CENPU: variants seen among roughly 807,000 people sequenced by gnomAD.
CENPU encodes KSHV latent nuclear antigen interacting protein 1.
CENPU carries 46 observed loss-of-function variants against 56.7 expected under a neutral mutation model. The observed-to-expected ratio is 0.81, with a 90% CI of 0.64 to 1.04. The LOEUF (loss-of-function observed/expected upper bound fraction) is 1.04. Ranked by LOEUF, CENPU falls within the 50% of genes least tolerant of loss-of-function variation. The pLI is 0.00. For synonymous variants in CENPU, 166 were observed against 163.0 expected, an observed-to-expected ratio of 1.02 and a Z score of -0.14; for missense variants, 510 against 490.1, an observed-to-expected ratio of 1.04 and a Z score of -0.38.
rs73026666 is a variant in CENPU, at chr4:184,732,568, G to A, written c.47+1448C>T. Among the ~76,000 whole-genome samples, 324 of 152,130 alleles carry A rather than the reference G, an allele frequency of 2.1e-3. 4 individuals are homozygous for A. The highest frequency in any genetic ancestry group is 7.3e-3 in the African/African-American group (304 of 41,502). On this transcript the variant is annotated intron_variant, in intron 1 of 12. Transcript: ENST00000281453. ...GTAACAGAAACCCAGCTACACACTA[G>A]ACCACATAAACTTCTTAACCTAAAC...
At chr4:184,727,689 A>C (rs1354818481) in intron 3 of CENPU, among the ~76,000 whole-genome samples, 1 of 152,076 alleles carries the variant, frequency 6.6e-6, no homozygotes, top group African/African-American at 2.4e-5. Context: ...CCACACAAAA[A>C]CTCTTACACA....
At chr4:184,716,261 C>A (rs1172851214) in intron 6 of CENPU, 136 bp downstream of exon 6, 1 of 672,992 alleles carries the variant, frequency 1.5e-6, no homozygotes, top group Admixed American at 3.0e-5. Context: ...CTAAAACAAA[C>A]ATCTTTATTA....
intron 4 of CENPU, among the ~76,000 whole-genome samples, chr4:184,721,735 G>C (rs1223216583): frequency 6.6e-6 from 1 of 152,114 alleles, no homozygotes; most frequent in Non-Finnish European, 1.5e-5. Context: ...CCCAACACTG[G>C]AACACCCAGA....
intron 9 of CENPU, 72 bp from the exon 10 acceptor site, chr4:184,702,208 CATTTA>C (rs1333780941): frequency 1.2e-4 from 162 of 1,316,622 alleles, no homozygotes; most frequent in Non-Finnish European, 1.8e-4. Flanking sequence ...ACATGTGTCA[CATTTA>C]GTTTAAAAAC....
At chr4:184,716,327 C>A in intron 6 of CENPU, 70 bp downstream of exon 6, 2 of 902,084 alleles carry the variant, frequency 2.2e-6, no homozygotes, top group Non-Finnish European at 3.5e-6. Context: ...AGAGAAAATG[C>A]TTCATTTTCT....
At chr4:184,702,341 A>C in intron 9 of CENPU, 22 bp downstream of exon 9, 1 of 1,606,414 alleles carries the variant, frequency 6.2e-7, no homozygotes, top group Non-Finnish European at 8.5e-7. Context: ...TTAGACCAAC[A>C]AATGCATGTC....
intron 7 of CENPU, 190 bp from the exon 8 acceptor site, chr4:184,710,370 C>T (rs947665865): frequency 5.0e-6 from 2 of 398,566 alleles, no homozygotes; most frequent in African/African-American, 4.1e-5. Context: ...CATACACTTT[C>T]ACTCTAACTG....
chr4:184,728,469 G>A (rs1761530435), intron 3 of CENPU, among the ~76,000 whole-genome samples: 1 of 152,102 alleles, frequency 6.6e-6, no homozygotes, highest in South Asian at 2.1e-4. Flanking sequence ...GGCCAGCCTG[G>A]TACTGGCCTT....
chr4:184,717,277 T>C, intron 4 of CENPU, 81 bp from the exon 5 acceptor site: 2 of 1,010,974 alleles, frequency 2.0e-6, no homozygotes, highest in Admixed American at 1.9e-5. Flanking sequence ...TCATTCAACA[T>C]GAAAACAGAC....
At chr4:184,730,169 T>C (rs557421713) in intron 2 of CENPU, among the ~76,000 whole-genome samples, 23 of 151,918 alleles carry the variant, frequency 1.5e-4, no homozygotes, top group African/African-American at 5.3e-4. Flanking sequence ...CTTAGAGAAA[T>C]CCCTCCGAGG....
chr4:184,711,695 T>C (rs1760930105), intron 7 of CENPU, among the ~76,000 whole-genome samples: 1 of 152,200 alleles, frequency 6.6e-6, no homozygotes, highest in Admixed American at 6.5e-5. Context: ...TACAACCACT[T>C]TGGGAATGCA....
At chr4:184,706,327 C>T (rs28636679) in intron 8 of CENPU, among the ~76,000 whole-genome samples, 26,001 of 152,086 alleles carry the variant, frequency 0.17, 2,432 homozygotes, top group African/African-American at 0.24. Flanking sequence ...AACACAGTGA[C>T]ACCCCCCATC....
chr4:184,700,657 G>T (rs1760503165), intron 11 of CENPU, among the ~76,000 whole-genome samples, 163 bp downstream of exon 11: 1 of 152,186 alleles, frequency 6.6e-6, no homozygotes, highest in Non-Finnish European at 1.5e-5. Flanking sequence ...TTTGTCAAAA[G>T]GTGGGGCAAC....
intron 8 of CENPU, among the ~76,000 whole-genome samples, chr4:184,702,698 T>C (rs1760577251): frequency 6.6e-6 from 1 of 152,100 alleles, no homozygotes; most frequent in African/African-American, 2.4e-5. Flanking sequence ...AGCAAACAGG[T>C]TGTTTTCAGT....
chr4:184,699,677 T>C (rs922455461), intron 11 of CENPU: 9 of 1,207,388 alleles, frequency 7.5e-6, no homozygotes, highest in South Asian at 1.3e-5. Context: ...TCTTTTTTTT[T>C]TGAGACACAG....
Position 184,694,178 on chromosome 4 carries a change from G to GAT in CENPU, c.*1108_*1109dup. 1 of 1,024,696 alleles carries GAT rather than the reference G, an allele frequency of 9.8e-7. No individual in the cohort carries two copies. Among genetic ancestry groups the GAT allele is most frequent in the African/African-American group, 1.7e-5 (1 of 58,924 alleles). 63.5% of individuals were successfully genotyped at this position (1,024,696 alleles called of 1,614,324 possible). A position where few individuals can be genotyped will look rare whatever the true frequency, so the allele number is the denominator to read the frequency against. On this transcript the variant is annotated 3_prime_UTR_variant, in exon 13 of 13. Transcript: ENST00000281453. Reference sequence around the variant, plus strand: ...GCATGGGTACTAAGTCCATTGTCAAGATAGCAAATTTATCTTCTGATTTGT... The same window carrying GAT: ...GCATGGGTACTAAGTCCATTGTCAAGATATAGCAAATTTATCTTCTGATTTGT...
intron 4 of CENPU, among the ~76,000 whole-genome samples, chr4:184,717,951 T>C (rs999158360): frequency 6.6e-6 from 1 of 152,202 alleles, no homozygotes; most frequent in African/African-American, 2.4e-5. Flanking sequence ...CCCAGCATGT[T>C]CAAGAAACAT....
At chr4:184,710,360 C>T (rs577298154) in intron 7 of CENPU, 180 bp from the exon 8 acceptor site, 7 of 415,592 alleles carry the variant, frequency 1.7e-5, no homozygotes, top group Admixed American at 4.3e-5. Context: ...CAAACCCCTA[C>T]ATACACTTTC....
chr4:184,722,130 A>G (rs987323123), intron 4 of CENPU, among the ~76,000 whole-genome samples: 3 of 152,230 alleles, frequency 2.0e-5, no homozygotes, highest in Non-Finnish European at 2.9e-5. Flanking sequence ...CAACACGTTA[A>G]TGAAGGACCA....
Sources: gnomAD v4.1 joint callset for allele counts (sites outside exome capture counted in the v4.1 genomes callset) on GRCh38, gnomAD v4.1.1 for gene constraint, MANE v1.5 for transcripts, NCBI Gene and HGNC (gene_info 2026-07-23, HGNC 2026-07-21) for gene names.